PPP1R9A: variants seen among roughly 807,000 people sequenced by gnomAD.
The protein encoded by PPP1R9A is neurabin-1.
In PPP1R9A, 59 loss-of-function variants were observed where a neutral mutation model predicts 141.9. The ratio of observed to expected loss-of-function variants is 0.42; its 90% CI spans 0.34 to 0.52. PPP1R9A has a LOEUF of 0.52. Ranked by LOEUF, PPP1R9A falls within the 20% of genes least tolerant of loss-of-function variation. The probability of loss-of-function intolerance (pLI) is 0.10; values close to 1 mark genes in which losing one functional copy is unlikely to be tolerated. For missense variants in PPP1R9A, 1,444 were observed against 1,611.9 expected (o/e 0.90, Z 1.78); for synonymous variants, 500 against 569.7 (o/e 0.88, Z 1.74).
rs1214779550 is a variant in PPP1R9A at position 95,088,058 on chromosome 7, A to G, written c.1396-23201A>G. Among the ~76,000 whole-genome samples the G allele has an allele frequency of 1.4e-4, 21 of 151,978 alleles. 1 individual carries two copies. Among genetic ancestry groups the G allele is most frequent in the African/African-American group, 4.8e-4 (20 of 41,266 alleles). On this transcript the variant is annotated intron_variant, in intron 2 of 19. Transcript: ENST00000433360. Reference sequence around the variant, plus strand: ...AAAATAAAATCTTGCAAGATACACTATATTGTTTGAGCTTTATTCTGTGGC... The same window carrying G: ...AAAATAAAATCTTGCAAGATACACTGTATTGTTTGAGCTTTATTCTGTGGC...
intron 4 of PPP1R9A, among the ~76,000 whole-genome samples, chr7:95,151,162 A>C (rs1828599008): frequency 1.3e-5 from 2 of 152,238 alleles, no homozygotes; most frequent in Admixed American, 6.5e-5. Context: ...TTTTGTCCAC[A>C]CAAAAACTTA....
At chr7:95,117,113 C>T (rs2152468472) in intron 3 of PPP1R9A, among the ~76,000 whole-genome samples, 1 of 152,198 alleles carries the variant, frequency 6.6e-6, no homozygotes, top group South Asian at 2.1e-4. Context: ...AAATGGGAAA[C>T]CAGAAGTTAG....
At chr7:95,182,012 G>C (rs1197540559) in intron 5 of PPP1R9A, among the ~76,000 whole-genome samples, 1 of 151,624 alleles carries the variant, frequency 6.6e-6, no homozygotes, top group African/African-American at 2.4e-5. Flanking sequence ...TGATACAATG[G>C]ACTCTGGGGA....
intron 5 of PPP1R9A, among the ~76,000 whole-genome samples, chr7:95,179,946 C>T (rs1833492174): frequency 6.6e-6 from 1 of 152,160 alleles, no homozygotes; most frequent in African/African-American, 2.4e-5. Context: ...AATGACCATA[C>T]TGACAAAAGC....
intron 2 of PPP1R9A, among the ~76,000 whole-genome samples, chr7:95,057,456 A>G (rs1418012069): frequency 6.6e-6 from 1 of 152,134 alleles, no homozygotes; most frequent in South Asian, 2.1e-4. Flanking sequence ...CATTTAGTGC[A>G]GATGTGAAAT....
intron 2 of PPP1R9A, among the ~76,000 whole-genome samples, chr7:94,916,665 TGGGA>T (rs1792113442): frequency 6.6e-6 from 1 of 152,202 alleles, no homozygotes; most frequent in Non-Finnish European, 1.5e-5. Context: ...TATAAAAAGT[TGGGA>T]GGAAGAAGTT....
At chr7:95,132,816 A>G (rs1471631328) in intron 4 of PPP1R9A, among the ~76,000 whole-genome samples, 1 of 152,172 alleles carries the variant, frequency 6.6e-6, no homozygotes. Flanking sequence ...GGGTGCTGGC[A>G]TCTAGACAAG....
chr7:95,048,162 T>C (rs1015176802), intron 2 of PPP1R9A, among the ~76,000 whole-genome samples: 6 of 152,228 alleles, frequency 3.9e-5, no homozygotes, highest in African/African-American at 1.4e-4. Flanking sequence ...TGTTGATATT[T>C]ATTTCTTGTT....
In PPP1R9A at chr7:94,910,189, G is replaced by C. The variant is rs755010809; in HGVS notation, c.76G>C (p.Glu26Gln). ...ASPHRNAYRT[E>Q]FQALKSTFDK... is the part of the protein sequence containing the mutation. The stretch of plus-strand genomic sequence containing the variant: ...TCCTCACAGGAATGCATATCGAACT[G>C]AGTTTCAGGCACTGAAAAGTACCTT... Residue 26 changes from glutamate to glutamine, a missense_variant, in exon 2 of 20, where the codon GAG (glutamate) becomes CAG (glutamine). This residue lies in a region of PPP1R9A where 490 missense variants were observed against 521.1 expected (regional missense o/e 0.94). Coordinates refer to ENST00000433360, the MANE Select transcript of PPP1R9A (RefSeq NM_001166160.2). The surrounding 1 kb of genome is among the most constrained non-coding windows in gnomAD (Gnocchi z 4.5). 18 of 1,614,056 alleles carry C rather than the reference G, an allele frequency of 1.1e-5. No homozygotes were observed. The highest frequency in any genetic ancestry group is 1.5e-5 in the Non-Finnish European group (18 of 1,179,982).
intron 4 of PPP1R9A, among the ~76,000 whole-genome samples, chr7:95,150,893 C>G (rs1246713062): frequency 6.6e-6 from 1 of 152,062 alleles, no homozygotes; most frequent in East Asian, 1.9e-4. Flanking sequence ...ATACAGAAAA[C>G]AAGTAAGCAT....
At chr7:95,175,382 C>A (rs1284939049) in intron 5 of PPP1R9A, among the ~76,000 whole-genome samples, 1 of 151,686 alleles carries the variant, frequency 6.6e-6, no homozygotes, top group Non-Finnish European at 1.5e-5. Context: ...ATGTTGCATA[C>A]CCAACTTAAT....
At chr7:95,280,656 G>A (rs1004708304) in intron 16 of PPP1R9A, among the ~76,000 whole-genome samples, 1 of 152,130 alleles carries the variant, frequency 6.6e-6, no homozygotes, top group Non-Finnish European at 1.5e-5. Context: ...TTCCAAAAAT[G>A]ATAGCAAGCC....
intron 18 of PPP1R9A, among the ~76,000 whole-genome samples, chr7:95,287,578 G>A (rs1180799511): frequency 6.6e-6 from 1 of 152,198 alleles, no homozygotes; most frequent in Non-Finnish European, 1.5e-5. Flanking sequence ...ATATTCTGCA[G>A]TGGACAGAGC....
intron 2 of PPP1R9A, among the ~76,000 whole-genome samples, chr7:95,066,187 G>A (rs145230787): frequency 2.4e-4 from 37 of 152,248 alleles, no homozygotes; most frequent in African/African-American, 8.4e-4. Flanking sequence ...CATACTTAGC[G>A]GTATTTGCAC....
intron 2 of PPP1R9A, among the ~76,000 whole-genome samples, chr7:95,025,677 G>C (rs1361125389): frequency 6.6e-6 from 1 of 151,504 alleles, no homozygotes; most frequent in African/African-American, 2.4e-5. Flanking sequence ...TTTCCGACTT[G>C]GTTCCATTCC....
chr7:95,099,889 A>G (rs779437824), intron 2 of PPP1R9A, among the ~76,000 whole-genome samples: 1 of 152,118 alleles, frequency 6.6e-6, no homozygotes, highest in Non-Finnish European at 1.5e-5. Flanking sequence ...ATTGAATTCT[A>G]TGTTGTCAAA....
rs149086693 is a variant in PPP1R9A at position 95,177,734 on chromosome 7, A to T, written c.1754+15763A>T. Among the ~76,000 whole-genome samples the T allele has an allele frequency of 4.9e-3, 741 of 152,248 alleles. 5 individuals are homozygous for T. Among genetic ancestry groups the T allele is most frequent in the African/African-American group, 0.017 (698 of 41,550 alleles). ...AAAGCGAGGAGTAGCTATTCTTACA[A>T]AAGACAAAACTTTAAAGCAACAGCA... On this transcript the variant is annotated intron_variant, in intron 5 of 19. Transcript: ENST00000433360.
At chr7:94,965,465 A>T (rs1798100661) in intron 2 of PPP1R9A, among the ~76,000 whole-genome samples, 1 of 152,146 alleles carries the variant, frequency 6.6e-6, no homozygotes, top group South Asian at 2.1e-4. Context: ...CTTATGTTTA[A>T]GTCTGTAATC....
intron 7 of PPP1R9A, among the ~76,000 whole-genome samples, chr7:95,211,007 G>A (rs1309649205): frequency 6.6e-6 from 1 of 151,988 alleles, no homozygotes; most frequent in Non-Finnish European, 1.5e-5. Flanking sequence ...GAGGGTGGAG[G>A]GCTAGGGGAG....
Sources: gnomAD v4.1 joint callset for allele counts (sites outside exome capture counted in the v4.1 genomes callset) on GRCh38, gnomAD v4.1.1 for gene constraint, gnomAD v4.1.1 regional missense constraint, Gnocchi (gnomAD v3.1) non-coding constraint, MANE v1.5 for transcripts, NCBI Gene and HGNC (gene_info 2026-07-23, HGNC 2026-07-21) for gene names.